TAFA2: variants seen among roughly 807,000 people sequenced by gnomAD.
TAFA2 encodes chemokine-like protein TAFA-2.
TAFA2 carries 7 observed loss-of-function variants against 18.8 expected under a neutral mutation model. The ratio of observed to expected loss-of-function variants is 0.37; its 90% CI spans 0.21 to 0.70. The LOEUF is 0.70. Among genes scored for constraint, TAFA2 ranks in the 30% least tolerant of loss-of-function variants. The pLI is 0.53. For synonymous variants in TAFA2, 60 were observed against 54.2 expected, an observed-to-expected ratio of 1.11 and a Z score of -0.47; for missense variants, 122 against 158.1, an observed-to-expected ratio of 0.77 and a Z score of 1.23.
chr12:62,033,009 C>G (rs987731078), intron 1 of TAFA2, among the ~76,000 whole-genome samples: 3 of 152,072 alleles, frequency 2.0e-5, no homozygotes, highest in African/African-American at 7.2e-5. Flanking sequence ...CTCTTCTTCT[C>G]CCCCAGCTAA....
intron 4 of TAFA2, among the ~76,000 whole-genome samples, chr12:61,725,905 T>C (rs1870141835): frequency 6.6e-6 from 1 of 151,954 alleles, no homozygotes; most frequent in East Asian, 1.9e-4. Context: ...CAATAAACTT[T>C]GGGGATTTGG....
chr12:61,838,373 G>A (rs1402257829), intron 2 of TAFA2, among the ~76,000 whole-genome samples: 1 of 151,866 alleles, frequency 6.6e-6, no homozygotes, highest in Non-Finnish European at 1.5e-5. Flanking sequence ...TTGAATATGA[G>A]TTTCTGTAAC....
At chr12:62,153,060 T>C (rs1228277668) in intron 1 of TAFA2, among the ~76,000 whole-genome samples, 1 of 152,196 alleles carries the variant, frequency 6.6e-6, no homozygotes, top group African/African-American at 2.4e-5. Flanking sequence ...ATTTTTTTAA[T>C]GAATGAATAC....
At chr12:62,058,039 CAAAT>C (rs1489942997) in intron 1 of TAFA2, among the ~76,000 whole-genome samples, 16 of 152,142 alleles carry the variant, frequency 1.1e-4, no homozygotes, top group African/African-American at 2.9e-4. Flanking sequence ...TAAATAAAAA[CAAAT>C]AAATAAAACT....
At chr12:62,051,868 T>C (rs982391808) in intron 1 of TAFA2, among the ~76,000 whole-genome samples, 75 of 152,068 alleles carry the variant, frequency 4.9e-4, no homozygotes, top group African/African-American at 1.8e-3. Context: ...TCAGCAAATG[T>C]TTTCTAAAAT....
rs56908081 is a variant in TAFA2, at chr12:61,927,069, GAAA to G, written c.-1-59646_-1-59644del. On this transcript the variant is annotated intron_variant, in intron 1 of 4. Transcript: ENST00000416284. ...CAACCTGGTGACAGAGTGAGACTCTGAAAAAAAAAAAAAAAAAAAAAAAAATAC... is the reference window on the plus strand; with the variant it reads ...CAACCTGGTGACAGAGTGAGACTCTGAAAAAAAAAAAAAAAAAAAAAATAC... 9.8e-3 allele frequency among the ~76,000 whole-genome samples: 683 copies of G among 69,902 alleles called. 4 individuals carry two copies. The highest frequency in any genetic ancestry group is 0.026 in the African/African-American group (455 of 17,202). 45.9% of individuals were successfully genotyped at this position (69,902 alleles called of 152,430 possible). A position where few individuals can be genotyped will look rare whatever the true frequency, so the allele number is the denominator to read the frequency against.
rs545650850 is a variant in TAFA2, at chr12:61,853,248, A to G, written c.106+14072T>C. ...GAGGCAAAAATAAAGTTTACAAAGC[A>G]TCTGCTTTGTACTTTCATATAGTTC... On this transcript the variant is annotated intron_variant, in intron 2 of 4. Coordinates refer to ENST00000416284, the MANE Select transcript of TAFA2 (RefSeq NM_178539.5). 2.6e-5 allele frequency among the ~76,000 whole-genome samples: 4 copies of G among 152,312 alleles called. No homozygotes were observed. The East Asian group carries it at 5.8e-4, about 22-fold the overall frequency.
chr12:61,834,081 C>T (rs1872822388), intron 2 of TAFA2, among the ~76,000 whole-genome samples: 1 of 152,042 alleles, frequency 6.6e-6, no homozygotes, highest in African/African-American at 2.4e-5. Context: ...GTAGTAACAA[C>T]TATTGCTTAC....
intron 1 of TAFA2, among the ~76,000 whole-genome samples, chr12:62,201,229 A>C (rs183928250): frequency 3.3e-5 from 5 of 152,016 alleles, no homozygotes; most frequent in African/African-American, 1.2e-4. Context: ...AATATGCTTT[A>C]TTTCTTTCTC....
At chr12:62,044,204 C>T (rs1881847048) in intron 1 of TAFA2, among the ~76,000 whole-genome samples, 1 of 152,022 alleles carries the variant, frequency 6.6e-6, no homozygotes, top group South Asian at 2.1e-4. Flanking sequence ...ATCTCCTCTA[C>T]TCCTCATGTA....
chr12:62,245,559 TG>T (rs1320490226), intron 1 of TAFA2, among the ~76,000 whole-genome samples: 1 of 149,812 alleles, frequency 6.7e-6, no homozygotes, highest in Non-Finnish European at 1.5e-5. Context: ...TTAGTTTTCT[TG>T]ACCAGTTTTG....
At chr12:62,081,470 G>A (rs1034757885) in intron 1 of TAFA2, among the ~76,000 whole-genome samples, 4 of 147,692 alleles carry the variant, frequency 2.7e-5, no homozygotes, top group Non-Finnish European at 4.5e-5. Context: ...TGTTTTTTTT[G>A]TTTTTTATTT....
At chr12:61,855,069 G>A (rs946696157) in intron 2 of TAFA2, among the ~76,000 whole-genome samples, 1 of 152,168 alleles carries the variant, frequency 6.6e-6, no homozygotes, top group African/African-American at 2.4e-5. Context: ...ACAAATGCCT[G>A]CCATCCTTGT....
chr12:62,076,147 C>G (rs1332495385), intron 1 of TAFA2, among the ~76,000 whole-genome samples: 1 of 151,974 alleles, frequency 6.6e-6, no homozygotes, highest in Non-Finnish European at 1.5e-5. Context: ...TGAATTTTGC[C>G]TGGTGTTGTT....
intron 1 of TAFA2, among the ~76,000 whole-genome samples, chr12:62,054,186 C>T (rs1168547788): frequency 6.6e-6 from 1 of 151,984 alleles, no homozygotes; most frequent in African/African-American, 2.4e-5. Context: ...GATCAGAAAT[C>T]AAAAAAATTA....
At chr12:61,915,778 G>T (rs915400195) in intron 1 of TAFA2, among the ~76,000 whole-genome samples, 5 of 152,156 alleles carry the variant, frequency 3.3e-5, no homozygotes, top group African/African-American at 1.2e-4. Context: ...GAGCACATCT[G>T]CCCTTCCTTC....
At chr12:61,854,417 G>C (rs1404308958) in intron 2 of TAFA2, among the ~76,000 whole-genome samples, 2 of 152,074 alleles carry the variant, frequency 1.3e-5, no homozygotes, top group Admixed American at 1.3e-4. Context: ...CAGAAACAGA[G>C]AGGGGGGAAG....
At chr12:61,803,273 C>T (rs1390323228) in intron 2 of TAFA2, among the ~76,000 whole-genome samples, 1 of 151,798 alleles carries the variant, frequency 6.6e-6, no homozygotes, top group Non-Finnish European at 1.5e-5. Context: ...AACTCTCTGA[C>T]TAGGGAAAAG....
intron 1 of TAFA2, among the ~76,000 whole-genome samples, chr12:61,959,391 T>A (rs1352850048): frequency 6.6e-6 from 1 of 152,080 alleles, no homozygotes; most frequent in East Asian, 1.9e-4. Flanking sequence ...CTCTTCTTTT[T>A]AAATTTAGTT....
Sources: gnomAD v4.1 joint callset for allele counts (sites outside exome capture counted in the v4.1 genomes callset) on GRCh38, gnomAD v4.1.1 for gene constraint, MANE v1.5 for transcripts, NCBI Gene and HGNC (gene_info 2026-07-23, HGNC 2026-07-21) for gene names.